Variants in RABGAP1L observed in about 807,000 individuals in gnomAD.
The protein encoded by RABGAP1L is rab GTPase-activating protein 1-like.
A neutral mutation model predicts 137.7 loss-of-function variants in RABGAP1L; 63 were observed. The ratio of observed to expected loss-of-function variants is 0.46; its 90% CI spans 0.37 to 0.56. RABGAP1L has a LOEUF of 0.56. Among genes scored for constraint, RABGAP1L ranks in the 20% least tolerant of loss-of-function variants. The probability of loss-of-function intolerance (pLI) is 0.00; values close to 1 mark genes in which losing one functional copy is unlikely to be tolerated. For synonymous variants in RABGAP1L, 431 were observed against 433.7 expected (o/e 0.99, Z 0.08); for missense variants, 1,095 against 1,244.0 (o/e 0.88, Z 1.80).
intron 13 of RABGAP1L, among the ~76,000 whole-genome samples, chr1:174,441,508 G>A (rs1654145457): frequency 1.3e-5 from 2 of 152,126 alleles, no homozygotes; most frequent in African/African-American, 2.4e-5. Flanking sequence ...GCTGAGGGGG[G>A]TGGATTACTT....
chr1:174,706,824 G>A (rs992546513), intron 17 of RABGAP1L, among the ~76,000 whole-genome samples: 9 of 152,106 alleles, frequency 5.9e-5, no homozygotes, highest in Non-Finnish European at 1.0e-4. Context: ...TTATGTATGT[G>A]GAATCATACA....
At chr1:174,652,307 A>G (rs761448514) in intron 14 of RABGAP1L, among the ~76,000 whole-genome samples, 4 of 151,938 alleles carry the variant, frequency 2.6e-5, no homozygotes, top group Non-Finnish European at 5.9e-5. Flanking sequence ...TCTGACAATT[A>G]TGTGTCTTGG....
intron 22 of RABGAP1L, among the ~76,000 whole-genome samples, 170 bp from the exon 23 acceptor site, chr1:174,978,636 AG>A (rs146300543): frequency 0.11 from 16,282 of 152,240 alleles, 943 homozygotes; most frequent in East Asian, 0.23. Context: ...GCATCTCTGG[AG>A]ATGATTGACT....
chr1:174,474,527 C>G (rs1658280641), intron 13 of RABGAP1L, among the ~76,000 whole-genome samples: 1 of 152,154 alleles, frequency 6.6e-6, no homozygotes. Flanking sequence ...GTGAATTTGT[C>G]TCCAGGATCT....
Position 174,448,211 on chromosome 1 carries a change from TAC to T in RABGAP1L, c.1710+54068_1710+54069del. ...CTCCTGCCCACTTGGATTTGGCCACTACAGTGTGGTGGATGTCTGCATCTTCG... is the reference window on the plus strand; with the variant it reads ...CTCCTGCCCACTTGGATTTGGCCACTAGTGTGGTGGATGTCTGCATCTTCG... On this transcript the variant is annotated intron_variant, in intron 13 of 25. Coordinates refer to ENST00000681986, the MANE Select transcript of RABGAP1L (RefSeq NM_001366446.1). This position sits in a 1 kb window ranked among gnomAD's most constrained non-coding sequence, Gnocchi z 4.2. 1 of 1,613,622 alleles carries T rather than the reference TAC, an allele frequency of 6.2e-7. No individual in the cohort carries two copies. Among genetic ancestry groups the T allele is most frequent in the Non-Finnish European group, 8.5e-7 (1 of 1,179,496 alleles).
At position 174,534,775 on chromosome 1, in the gene RABGAP1L, C is replaced by CAAAAAAAA. The variant is rs71117567; in HGVS notation, c.1711-102578_1711-102571dup. On this transcript the variant is annotated intron_variant, in intron 13 of 25. Transcript: ENST00000681986. ...GGATGACAGAGCGAAACTCTGTCTC[C>CAAAAAAAA]AAAAAAAAAAAAAAAAAAAAAAAAA... Among the ~76,000 whole-genome samples, 15 of 71,626 alleles carry CAAAAAAAA rather than the reference C, an allele frequency of 2.1e-4. 2 individuals are homozygous for CAAAAAAAA. The East Asian group carries it at 3.8e-3, about 18-fold the overall frequency. 47.0% of individuals were successfully genotyped at this position (71,626 alleles called of 152,430 possible). A position where few individuals can be genotyped will look rare whatever the true frequency, so the allele number is the denominator to read the frequency against.
intron 19 of RABGAP1L, among the ~76,000 whole-genome samples, chr1:174,867,649 CTTAT>C (rs1651506499): frequency 6.6e-6 from 1 of 152,064 alleles, no homozygotes; most frequent in Admixed American, 6.6e-5. Context: ...AGTAGTGTGA[CTTAT>C]TTATTTATCT....
At chr1:174,550,662 T>A (rs1666361561) in intron 13 of RABGAP1L, among the ~76,000 whole-genome samples, 1 of 151,386 alleles carries the variant, frequency 6.6e-6, no homozygotes, top group Admixed American at 6.6e-5. Flanking sequence ...AGATAGAAAG[T>A]CAGCAAGGAT....
intron 13 of RABGAP1L, among the ~76,000 whole-genome samples, chr1:174,564,536 G>A (rs1432239158): frequency 2.0e-5 from 3 of 152,156 alleles, no homozygotes; most frequent in Admixed American, 6.6e-5. Flanking sequence ...ATCTGGCAAA[G>A]TAGGCTGCCA....
intron 18 of RABGAP1L, among the ~76,000 whole-genome samples, chr1:174,802,066 C>T (rs1439068646): frequency 6.6e-6 from 1 of 152,150 alleles, no homozygotes; most frequent in Non-Finnish European, 1.5e-5. Context: ...CTCAACTCTG[C>T]ATTAGGGATG....
intron 19 of RABGAP1L, among the ~76,000 whole-genome samples, chr1:174,872,690 G>A (rs1652396875): frequency 6.6e-6 from 1 of 151,778 alleles, no homozygotes; most frequent in South Asian, 2.1e-4. Flanking sequence ...ACAGGAACTT[G>A]CTACCATGCC....
At chr1:174,932,065 C>T (rs1663925497) in intron 19 of RABGAP1L, among the ~76,000 whole-genome samples, 1 of 133,230 alleles carries the variant, frequency 7.5e-6, no homozygotes, top group African/African-American at 2.9e-5. Context: ...CTGACTATAC[C>T]TTGAGCTCTG....
intron 13 of RABGAP1L, among the ~76,000 whole-genome samples, chr1:174,401,817 A>T (rs1400030128): frequency 6.6e-6 from 1 of 152,198 alleles, no homozygotes; most frequent in Non-Finnish European, 1.5e-5. Context: ...GTATGAGCAA[A>T]GTGACAAGTG....
chr1:174,486,483 A>C (rs1192101932), intron 13 of RABGAP1L, among the ~76,000 whole-genome samples: 1 of 151,154 alleles, frequency 6.6e-6, no homozygotes, highest in African/African-American at 2.4e-5. Context: ...AGTAGCTGGG[A>C]CTACATGCAC....
At chr1:174,160,056 G>A (rs1664304873) in intron 1 of RABGAP1L, 1 of 152,290 alleles carries the variant, frequency 6.6e-6, no homozygotes, top group African/African-American at 2.4e-5. Flanking sequence ...TCCGGTGGGC[G>A]AGTGGTTAGG....
At chr1:174,369,100 T>TTA (rs1684883997) in intron 11 of RABGAP1L, among the ~76,000 whole-genome samples, 1 of 152,200 alleles carries the variant, frequency 6.6e-6, no homozygotes, top group Non-Finnish European at 1.5e-5. Flanking sequence ...GAATACCAAT[T>TTA]TATAAGTACC....
intron 13 of RABGAP1L, among the ~76,000 whole-genome samples, chr1:174,396,699 A>G (rs1400167364): frequency 6.6e-6 from 1 of 152,118 alleles, no homozygotes; most frequent in Non-Finnish European, 1.5e-5. Context: ...AAAAATTTTA[A>G]GGGAAAAATG....
intron 18 of RABGAP1L, among the ~76,000 whole-genome samples, chr1:174,792,975 A>G (rs898749435): frequency 1.2e-4 from 18 of 152,116 alleles, no homozygotes; most frequent in African/African-American, 4.3e-4. Context: ...TCTACTGAAA[A>G]TACAAAATTA....
chr1:174,837,651 C>G (rs1261172989), intron 19 of RABGAP1L, among the ~76,000 whole-genome samples: 1 of 152,162 alleles, frequency 6.6e-6, no homozygotes, highest in Admixed American at 6.5e-5. Context: ...TGCCTCAGTT[C>G]AGATGCCAGG....
Sources: gnomAD v4.1 joint callset for allele counts (sites outside exome capture counted in the v4.1 genomes callset) on GRCh38, gnomAD v4.1.1 for gene constraint, Gnocchi (gnomAD v3.1) non-coding constraint, MANE v1.5 for transcripts, NCBI Gene and HGNC (gene_info 2026-07-23, HGNC 2026-07-21) for gene names.